Variants in TJAP1 observed in about 807,000 individuals in gnomAD.
TJAP1 encodes tight junction associated protein 1, also known as tight junction-associated protein 1.
In TJAP1, 27 loss-of-function variants were observed where a neutral mutation model predicts 42.0. The observed-to-expected ratio is 0.64, with a 90% confidence interval of 0.47 to 0.89. The LOEUF is 0.89. Among genes scored for constraint, TJAP1 ranks in the 40% least tolerant of loss-of-function variants. TJAP1 has a pLI of 0.00. For missense variants in TJAP1, 712 were observed against 726.9 expected, an observed-to-expected ratio of 0.98 and a Z score of 0.24; for synonymous variants, 257 against 288.4, an observed-to-expected ratio of 0.89 and a Z score of 1.10.
chr6:43,490,100 C>T (rs890828662), intron 2 of TJAP1, among the ~76,000 whole-genome samples: 5 of 152,264 alleles, frequency 3.3e-5, no homozygotes, highest in African/African-American at 9.6e-5. Context: ...CATCCTTCCC[C>T]GCAGCCTGGC....
intron 2 of TJAP1, among the ~76,000 whole-genome samples, chr6:43,481,825 G>A (rs1026120425): frequency 6.6e-6 from 1 of 152,142 alleles, no homozygotes; most frequent in African/African-American, 2.4e-5. Context: ...TCCTCCTTCT[G>A]AGTCATGTCC....
At chr6:43,503,645 A>C (rs549593302) in exon 10 of TJAP1, 2 of 1,614,136 alleles carry the variant, frequency 1.2e-6, no homozygotes, top group South Asian at 1.1e-5. Flanking sequence ...CTGGACTGCA[A>C]CCTGGCTGTA....
At chr6:43,498,392 G>C (rs142729160) in intron 3 of TJAP1, among the ~76,000 whole-genome samples, 124 of 152,070 alleles carry the variant, frequency 8.2e-4, no homozygotes, top group Non-Finnish European at 1.4e-3. Flanking sequence ...GAGACGCTGT[G>C]TACAAAAAAT....
intron 6 of TJAP1, among the ~76,000 whole-genome samples, 165 bp downstream of exon 6, chr6:43,501,852 A>T (rs112789996): frequency 0.021 from 3,011 of 142,884 alleles, 124 homozygotes; most frequent in African/African-American, 0.074. Flanking sequence ...AATTCCTATT[A>T]AAAAACTGGA....
At chr6:43,488,374 T>G (rs1787040447) in intron 2 of TJAP1, among the ~76,000 whole-genome samples, 1 of 152,128 alleles carries the variant, frequency 6.6e-6, no homozygotes, top group African/African-American at 2.4e-5. Context: ...TGGAGAAGTT[T>G]TACTAGAGGG....
At chr6:43,502,019 A>G (rs934349960) in intron 6 of TJAP1, among the ~76,000 whole-genome samples, 3 of 134,474 alleles carry the variant, frequency 2.2e-5, no homozygotes, top group African/African-American at 5.8e-5. Flanking sequence ...AGAAAACTGG[A>G]TAAGTTCTGC....
At chr6:43,499,260 G>T in intron 4 of TJAP1, 160 bp downstream of exon 4, 1 of 1,099,772 alleles carries the variant, frequency 9.1e-7, no homozygotes, top group Non-Finnish European at 1.3e-6. Context: ...AGTGCAGGTG[G>T]GGGTAATGTA....
intron 6 of TJAP1, among the ~76,000 whole-genome samples, chr6:43,501,927 ACT>A (rs201624955): frequency 0.45 from 31,715 of 70,788 alleles, 6,266 homozygotes; most frequent in Non-Finnish European, 0.5. Context: ...ACACACACAC[ACT>A]CTCTCTCTCT....
intron 2 of TJAP1, among the ~76,000 whole-genome samples, chr6:43,485,439 C>G (rs1380467790): frequency 3.3e-5 from 5 of 152,166 alleles, no homozygotes; most frequent in African/African-American, 1.2e-4. Flanking sequence ...TAACAAACAC[C>G]AAATGAATTT....
intron 3 of TJAP1, among the ~76,000 whole-genome samples, chr6:43,498,506 C>T (rs1160278014): frequency 1.3e-5 from 2 of 152,026 alleles, no homozygotes; most frequent in Non-Finnish European, 2.9e-5. Flanking sequence ...GCCAAGATTG[C>T]GCCACTACAC....
At chr6:43,497,263 G>GT (rs1562264787) in intron 2 of TJAP1, 1 of 152,168 alleles carries the variant, frequency 6.6e-6, no homozygotes, top group Non-Finnish European at 1.5e-5. Flanking sequence ...GGGAAGGAGA[G>GT]TGGGCGCCAG....
chr6:43,504,825 C>T (rs776431573), exon 11 of TJAP1: 1 of 1,614,256 alleles, frequency 6.2e-7, no homozygotes, highest in Non-Finnish European at 8.5e-7. Flanking sequence ...GCCGCCAGCC[C>T]AGGTCCTGCT....
chr6:43,493,330 A>G (rs1405932483), intron 2 of TJAP1, among the ~76,000 whole-genome samples: 1 of 152,200 alleles, frequency 6.6e-6, no homozygotes, highest in African/African-American at 2.4e-5. Context: ...CTGAACCCAG[A>G]TAAACTGATG....
At chr6:43,479,954 G>A (rs974692904) in intron 2 of TJAP1, among the ~76,000 whole-genome samples, 1 of 151,622 alleles carries the variant, frequency 6.6e-6, no homozygotes, top group African/African-American at 2.4e-5. Context: ...AGGTGACAGA[G>A]CAAGACTCCA....
Position 43,502,276 on chromosome 6 carries a change from T to G in TJAP1, c.291-7T>G, listed in dbSNP as rs575787661. 6.2e-7 allele frequency: 1 copy of G among 1,613,828 alleles called. No individual in the cohort carries two copies. Among genetic ancestry groups the G allele is most frequent in the East Asian group, 2.2e-5 (1 of 44,884 alleles). On this transcript the variant is annotated splice_region_variant and splice_polypyrimidine_tract_variant and intron_variant, in intron 6 of 10. Coordinates refer to ENST00000372449, the Ensembl canonical transcript of TJAP1. ...CCAGGGATGTGCCTTGTATTATCCC[T>G]TTTCAGGCTGCAGAACAGCTACACG... is the stretch of plus-strand genomic sequence containing the variant.
At chr6:43,496,234 C>T (rs1789110380) in intron 2 of TJAP1, among the ~76,000 whole-genome samples, 1 of 152,162 alleles carries the variant, frequency 6.6e-6, no homozygotes, top group South Asian at 2.1e-4. Context: ...TGTTTTCCAA[C>T]TCACGCACCC....
intron 2 of TJAP1, among the ~76,000 whole-genome samples, chr6:43,485,873 A>G (rs1249436275): frequency 2.6e-5 from 4 of 152,208 alleles, no homozygotes; most frequent in Non-Finnish European, 5.9e-5. Flanking sequence ...AGTGTTAACA[A>G]TAGCATTACT....
chr6:43,479,967 C>T (rs1360117481), intron 2 of TJAP1, among the ~76,000 whole-genome samples: 1 of 151,300 alleles, frequency 6.6e-6, no homozygotes, highest in African/African-American at 2.4e-5. Context: ...AGACTCCATC[C>T]ATCTCAAGAA....
At chr6:43,501,646 G>C in exon 6 of TJAP1, 1 of 1,540,630 alleles carries the variant, frequency 6.5e-7, no homozygotes, top group Admixed American at 1.7e-5. Context: ...AGCTGGGCCA[G>C]AGCCGCGAGG....
Sources: gnomAD v4.1 joint callset for allele counts (sites outside exome capture counted in the v4.1 genomes callset) on GRCh38, gnomAD v4.1.1 for gene constraint, MANE v1.5 for transcripts, NCBI Gene and HGNC (gene_info 2026-07-23, HGNC 2026-07-21) for gene names.